Variants in MAGI2 observed in about 807,000 individuals in gnomAD.
The protein encoded by MAGI2 is membrane-associated guanylate kinase, WW and PDZ domain-containing protein 2.
A neutral mutation model predicts 133.3 loss-of-function variants in MAGI2; 35 were observed. The ratio of observed to expected loss-of-function variants is 0.26; its 90% CI spans 0.20 to 0.35. MAGI2 has a LOEUF of 0.35. Among genes scored for constraint, MAGI2 ranks in the 10% least tolerant of loss-of-function variants. The pLI is 1.00. For synonymous variants in MAGI2, 729 were observed against 710.6 expected (o/e 1.03, Z -0.41); for missense variants, 1,636 against 1,863.4 (o/e 0.88, Z 2.25).
At chr7:78,688,690 G>C (rs996948595) in intron 2 of MAGI2, among the ~76,000 whole-genome samples, 3 of 152,116 alleles carry the variant, frequency 2.0e-5, no homozygotes, top group Non-Finnish European at 4.4e-5. Context: ...ATAAGCACTG[G>C]CTCCTTTGAA....
intron 1 of MAGI2, among the ~76,000 whole-genome samples, chr7:79,324,221 G>A (rs1185265976): frequency 2.0e-5 from 3 of 151,406 alleles, no homozygotes; most frequent in African/African-American, 7.3e-5. Flanking sequence ...CAAGGGTCAT[G>A]CTAATCTCTG....
At chr7:78,839,848 C>T (rs1791971404) in intron 2 of MAGI2, among the ~76,000 whole-genome samples, 1 of 152,018 alleles carries the variant, frequency 6.6e-6, no homozygotes, top group South Asian at 2.1e-4. Context: ...ATGGAAGAAT[C>T]AAAAATACCC....
chr7:79,113,355 C>T (rs1442374789), intron 1 of MAGI2, among the ~76,000 whole-genome samples: 2 of 152,140 alleles, frequency 1.3e-5, no homozygotes, highest in Non-Finnish European at 2.9e-5. Context: ...TCACTTCTAG[C>T]ACTATTATTC....
chr7:78,623,123 G>T (rs2150944563), intron 3 of MAGI2, among the ~76,000 whole-genome samples: 1 of 152,096 alleles, frequency 6.6e-6, no homozygotes, highest in East Asian at 1.9e-4. Context: ...ATGACATCTA[G>T]TGTATCATGA....
chr7:78,526,836 C>T (rs1186380003), intron 3 of MAGI2, among the ~76,000 whole-genome samples: 1 of 151,178 alleles, frequency 6.6e-6, no homozygotes, highest in Non-Finnish European at 1.5e-5. Context: ...GGTGAAACTC[C>T]ATCTCTACTA....
At chr7:78,455,857 G>A (rs1335796032) in intron 6 of MAGI2, among the ~76,000 whole-genome samples, 6 of 151,550 alleles carry the variant, frequency 4.0e-5, no homozygotes. Flanking sequence ...CCTATTTTTT[G>A]TTTACAAAAG....
At chr7:79,027,510 C>A (rs1490242475) in intron 1 of MAGI2, among the ~76,000 whole-genome samples, 1 of 151,880 alleles carries the variant, frequency 6.6e-6, no homozygotes, top group Non-Finnish European at 1.5e-5. Flanking sequence ...CTACTGAACT[C>A]ATAGAAGCCA....
intron 9 of MAGI2, among the ~76,000 whole-genome samples, chr7:78,288,093 A>G (rs1174564945): frequency 1.3e-5 from 2 of 152,190 alleles, no homozygotes; most frequent in African/African-American, 4.8e-5. Flanking sequence ...CAATGTGAGT[A>G]TATTATTTCA....
At chr7:79,293,955 G>A (rs1836703241) in intron 1 of MAGI2, among the ~76,000 whole-genome samples, 1 of 152,146 alleles carries the variant, frequency 6.6e-6, no homozygotes, top group African/African-American at 2.4e-5. Context: ...GGCCAAGGAG[G>A]GTGAATCACT....
At chr7:78,264,900 T>C (rs1389908258) in intron 9 of MAGI2, among the ~76,000 whole-genome samples, 1 of 152,128 alleles carries the variant, frequency 6.6e-6, no homozygotes, top group South Asian at 2.1e-4. Flanking sequence ...TATCGGGGCT[T>C]ACCTTGAACT....
intron 6 of MAGI2, among the ~76,000 whole-genome samples, chr7:78,401,106 G>T (rs1048540540): frequency 1.3e-5 from 2 of 151,648 alleles, no homozygotes; most frequent in Non-Finnish European, 2.9e-5. Flanking sequence ...AAGAGCCTTA[G>T]CTTTGTGAAA....
chr7:78,544,434 G>GT (rs1563148483), intron 3 of MAGI2, among the ~76,000 whole-genome samples: 1 of 152,184 alleles, frequency 6.6e-6, no homozygotes, highest in Non-Finnish European at 1.5e-5. Context: ...ACTGGCAAGA[G>GT]TGTTTGTTAC....
intron 4 of MAGI2, among the ~76,000 whole-genome samples, chr7:78,503,181 C>A (rs1210281713): frequency 1.3e-5 from 2 of 152,012 alleles, no homozygotes; most frequent in African/African-American, 2.4e-5. Context: ...TTAACTCTAC[C>A]AAGATATTCA....
intron 1 of MAGI2, among the ~76,000 whole-genome samples, chr7:79,263,172 TC>T (rs1404969309): frequency 6.6e-6 from 1 of 152,172 alleles, no homozygotes; most frequent in Admixed American, 6.6e-5. Context: ...TATATGTCAA[TC>T]CCCTATGAAT....
At chr7:78,540,169 G>A (rs1394393673) in intron 3 of MAGI2, among the ~76,000 whole-genome samples, 8 of 152,162 alleles carry the variant, frequency 5.3e-5, no homozygotes, top group Admixed American at 5.2e-4. Context: ...TTCGTCTTTG[G>A]CTACTAGGGT....
chr7:78,339,824 T>C (rs1790165384), intron 9 of MAGI2, among the ~76,000 whole-genome samples: 1 of 152,200 alleles, frequency 6.6e-6, no homozygotes, highest in Non-Finnish European at 1.5e-5. Flanking sequence ...ACAGTAGCGT[T>C]TGGAAACGTG....
chr7:78,294,975 GAACAT>G (rs67308363), intron 9 of MAGI2, among the ~76,000 whole-genome samples: 27,681 of 151,934 alleles, frequency 0.18, 3,220 homozygotes, highest in Middle Eastern at 0.29. Flanking sequence ...CATCAGAACA[GAACAT>G]ATTATTTTTA....
chr7:78,248,492 A>C (rs989297806), intron 10 of MAGI2, among the ~76,000 whole-genome samples: 1 of 152,170 alleles, frequency 6.6e-6, no homozygotes, highest in African/African-American at 2.4e-5. Flanking sequence ...ATAGTTTAAA[A>C]AACAAGATCC....
intron 21 of MAGI2, chr7:78,072,615 A>G: frequency 7.1e-6 from 2 of 280,068 alleles, no homozygotes; most frequent in Non-Finnish European, 1.3e-5. Flanking sequence ...AGAGGGAAGA[A>G]AGGATGTACT....
Sources: gnomAD v4.1 joint callset for allele counts (sites outside exome capture counted in the v4.1 genomes callset) on GRCh38, gnomAD v4.1.1 for gene constraint, MANE v1.5 for transcripts, NCBI Gene and HGNC (gene_info 2026-07-23, HGNC 2026-07-21) for gene names.